Variants in UTRN observed in about 807,000 individuals in gnomAD.
UTRN encodes dystrophin-related protein 1.
In UTRN, 283 loss-of-function variants were observed where a neutral mutation model predicts 463.9. That is an observed-to-expected ratio of 0.61 (90% CI 0.55 to 0.67). UTRN has a LOEUF of 0.67. Among genes scored for constraint, UTRN ranks in the 30% least tolerant of loss-of-function variants. UTRN has a pLI of 0.00. For synonymous variants in UTRN, 1,442 were observed against 1,431.5 expected (o/e 1.01, Z -0.17); for missense variants, 3,922 against 4,084.3 (o/e 0.96, Z 1.08).
intron 50 of UTRN, among the ~76,000 whole-genome samples, chr6:144,557,998 T>C (rs987895405): frequency 2.0e-5 from 3 of 152,200 alleles, no homozygotes; most frequent in Admixed American, 2.0e-4. Flanking sequence ...ATCATGCATA[T>C]AGTACTGGGA....
rs115760423 is a variant in UTRN at position 144,551,018 on chromosome 6, A to G, written c.6864A>G (p.Thr2288=). Residue 2288 remains threonine, a synonymous_variant, in exon 48 of 75, where the codon ACA becomes ACG. Transcript: ENST00000367545. The part of the protein sequence containing the change: ...QRHPQLDYVF[T]LAQNLKNKAS... ...ATCCTCAGCTGGATTATGTTTTTAC[A>G]TTGGCACAGAATTTGAAAAATAAAG... 3.7e-6 allele frequency: 6 copies of G among 1,612,600 alleles called. No individual in the cohort carries two copies. The highest frequency in any genetic ancestry group is 2.7e-5 in the African/African-American group (2 of 74,860).
intron 32 of UTRN, among the ~76,000 whole-genome samples, chr6:144,491,999 A>G (rs1387738064): frequency 2.0e-5 from 3 of 152,062 alleles, no homozygotes; most frequent in Non-Finnish European, 4.4e-5. Context: ...TTCTTTTTTT[A>G]TATTTAAATT....
At chr6:144,372,604 C>T (rs1226324592) in intron 2 of UTRN, among the ~76,000 whole-genome samples, 1 of 151,794 alleles carries the variant, frequency 6.6e-6, no homozygotes, top group East Asian at 1.9e-4. Flanking sequence ...AAGCGATTCT[C>T]CTCCCTCAAC....
intron 2 of UTRN, among the ~76,000 whole-genome samples, chr6:144,384,441 G>A (rs911812941): frequency 6.6e-6 from 1 of 152,088 alleles, no homozygotes; most frequent in Non-Finnish European, 1.5e-5. Context: ...GATCTGTGGT[G>A]AAACAGTTTC....
chr6:144,574,123 T>C (rs780518324), intron 50 of UTRN, among the ~76,000 whole-genome samples: 4 of 152,140 alleles, frequency 2.6e-5, no homozygotes, highest in Non-Finnish European at 5.9e-5. Flanking sequence ...ATTAAGAATA[T>C]TCTAGAGAAA....
intron 2 of UTRN, among the ~76,000 whole-genome samples, chr6:144,389,755 C>T (rs191646217): frequency 9.0e-4 from 137 of 152,240 alleles, no homozygotes; most frequent in African/African-American, 3.1e-3. Flanking sequence ...TCTGCCACCA[C>T]GCACAGCTAA....
At chr6:144,722,294 A>G (rs1284847066) in intron 53 of UTRN, among the ~76,000 whole-genome samples, 1 of 150,960 alleles carries the variant, frequency 6.6e-6, no homozygotes, top group Non-Finnish European at 1.5e-5. Flanking sequence ...AGATATTCTC[A>G]TGCCTTGCTC....
At chr6:144,632,319 G>C (rs1485398644) in intron 51 of UTRN, among the ~76,000 whole-genome samples, 1 of 152,112 alleles carries the variant, frequency 6.6e-6, no homozygotes, top group African/African-American at 2.4e-5. Flanking sequence ...CACTGAAAAA[G>C]AAATCAAAAG....
intron 51 of UTRN, among the ~76,000 whole-genome samples, chr6:144,634,342 C>T (rs1374414244): frequency 3.9e-5 from 6 of 152,104 alleles, no homozygotes; most frequent in Admixed American, 2.0e-4. Flanking sequence ...TGTGACTGTC[C>T]GTCAGGGTCA....
At chr6:144,711,112 G>GT (rs1231315173) in intron 53 of UTRN, among the ~76,000 whole-genome samples, 1 of 152,206 alleles carries the variant, frequency 6.6e-6, no homozygotes, top group Admixed American at 6.5e-5. Flanking sequence ...GAGGCCAGGA[G>GT]TTCTAGATTA....
intron 58 of UTRN, among the ~76,000 whole-genome samples, chr6:144,770,814 A>T (rs1296566025): frequency 3.9e-5 from 6 of 152,240 alleles, no homozygotes; most frequent in Non-Finnish European, 7.3e-5. Flanking sequence ...GAGGAAGCTG[A>T]GAAGAGGAAC....
chr6:144,454,911 A>G (rs73780574), intron 19 of UTRN, among the ~76,000 whole-genome samples: 5,515 of 152,224 alleles, frequency 0.036, 311 homozygotes, highest in African/African-American at 0.12. Flanking sequence ...CACTGTAGAA[A>G]ATTTCCATCT....
At chr6:144,582,058 C>T (rs920400774) in intron 51 of UTRN, among the ~76,000 whole-genome samples, 6 of 152,156 alleles carry the variant, frequency 3.9e-5, no homozygotes, top group Non-Finnish European at 7.3e-5. Context: ...CAGAAGTCCA[C>T]AGAACACTGC....
intron 2 of UTRN, among the ~76,000 whole-genome samples, chr6:144,294,554 A>C (rs1229431020): frequency 6.6e-6 from 1 of 152,132 alleles, no homozygotes; most frequent in Middle Eastern, 3.4e-3. Context: ...ACTTTCCTTT[A>C]GGAAAATTTT....
At chr6:144,725,727 A>G (rs1787806153) in intron 53 of UTRN, among the ~76,000 whole-genome samples, 1 of 152,248 alleles carries the variant, frequency 6.6e-6, no homozygotes, top group Non-Finnish European at 1.5e-5. Context: ...AAATGATTAT[A>G]TGTATAAAAC....
chr6:144,735,382 A>G (rs1789261982), intron 54 of UTRN, among the ~76,000 whole-genome samples: 1 of 152,192 alleles, frequency 6.6e-6, no homozygotes, highest in Non-Finnish European at 1.5e-5. Context: ...AGGAAAGAGC[A>G]GCTGTATTTT....
At chr6:144,557,090 C>T (rs2128615079) in intron 49 of UTRN, 67 bp from the exon 50 acceptor site, 2 of 1,533,436 alleles carry the variant, frequency 1.3e-6, no homozygotes, top group Non-Finnish European at 1.8e-6. Context: ...CTGGGAGTAC[C>T]ATTGTTTTGA....
chr6:144,451,337 A>G, intron 17 of UTRN, 33 bp from the exon 18 acceptor site: 1 of 1,594,066 alleles, frequency 6.3e-7, no homozygotes, highest in Non-Finnish European at 8.5e-7. Flanking sequence ...AGAAGGAAAC[A>G]TGACAAATGG....
intron 51 of UTRN, among the ~76,000 whole-genome samples, chr6:144,657,660 G>A (rs1198407916): frequency 1.3e-5 from 2 of 152,132 alleles, no homozygotes; most frequent in Non-Finnish European, 2.9e-5. Context: ...CTTGTTATAA[G>A]AGCCCTTTAA....
Sources: allele counts gnomAD v4.1 joint callset (sites outside exome capture counted in the v4.1 genomes callset), GRCh38; gene constraint gnomAD v4.1.1; transcripts MANE v1.5; gene names NCBI Gene and HGNC (gene_info 2026-07-23, HGNC 2026-07-21).